WDR62: variants seen among roughly 807,000 people sequenced by gnomAD.
WDR62 encodes the protein WD repeat-containing protein 62.
WDR62 carries 112 observed loss-of-function variants against 160.6 expected under a neutral mutation model. The observed-to-expected ratio is 0.70, with a 90% CI of 0.60 to 0.82. WDR62 has a LOEUF of 0.82. WDR62 is among the 40% of genes least tolerant of loss of function. WDR62 has a pLI of 0.00. For synonymous variants in WDR62, 792 were observed against 815.1 expected (o/e 0.97, Z 0.48); for missense variants, 1,819 against 1,983.8 (o/e 0.92, Z 1.58).
chr19:36,071,196 C>CT (rs547025795), intron 7 of WDR62: 32 of 261,850 alleles, frequency 1.2e-4, no homozygotes, highest in Non-Finnish European at 1.4e-4. Context: ...ACAAAAAACT[C>CT]TATCTCAAAA....
intron 3 of WDR62, among the ~76,000 whole-genome samples, chr19:36,065,045 A>G (rs542492263): frequency 6.6e-6 from 1 of 152,334 alleles, no homozygotes; most frequent in African/African-American, 2.4e-5. Flanking sequence ...AGGAAGTCCC[A>G]CACAGCATGT....
rs759652567 is a variant in WDR62, at chr19:36,103,544, G to A, written c.3716G>A (p.Gly1239Asp). The A allele has an allele frequency of 6.2e-7, 1 of 1,614,030 alleles. No homozygotes were observed. Among genetic ancestry groups the A allele is most frequent in the East Asian group, 2.2e-5 (1 of 44,876 alleles). The change falls in exon 30 of 32, where the codon GGC becomes GAC. Residue 1239 changes from glycine to aspartate, a missense_variant. By Grantham distance (94) the Gly-to-Asp change is moderately conservative (BLOSUM62 -1). This residue lies in a region of WDR62 where 770 missense variants were observed against 734.2 expected (regional missense o/e 1.05). Transcript: ENST00000401500. Reference protein sequence around the residue: ...SRSISLGDSEGPIVATLAQPL... With the variant: ...SRSISLGDSEDPIVATLAQPL... ...AGCATCTCCCTCGGTGACAGTGAGG[G>A]CCCTATCGTGGCCACACTGGCCCAG...
chr19:36,108,499 ACAC>A (rs1451623794), downstream of WDR62, among the ~76,000 whole-genome samples: 2 of 150,200 alleles, frequency 1.3e-5, no homozygotes, highest in Non-Finnish European at 2.9e-5. Context: ...CAAAATGGAG[ACAC>A]CACCTGAAAC....
intron 26 of WDR62, 84 bp downstream of exon 26, chr19:36,102,235 G>C: frequency 2.5e-6 from 4 of 1,593,964 alleles, no homozygotes; most frequent in Non-Finnish European, 3.4e-6. Context: ...TGGCTCCCCA[G>C]CAGGGCCAGG....
Position 36,103,973 on chromosome 19 carries a change from C to T in WDR62, c.4145C>T (p.Pro1382Leu). The T allele has an allele frequency of 1.9e-6, 3 of 1,597,940 alleles. No individual in the cohort carries two copies. In the South Asian group the frequency reaches 3.3e-5, roughly 18 times the overall value. Residue 1382 changes from proline to leucine, a missense_variant, in exon 30 of 32, where the codon CCC becomes CTC. By Grantham distance (98) the Pro-to-Leu change is moderately conservative (BLOSUM62 -3). Transcript: ENST00000401500. ...GGCGGCACTGCCTCCCTCCTGGAGC[C>T]CACCTCCGGTGAGTACAGCCCTGGA... ...IPGGTASLLE[P>L]TSGALGLLQG... is the part of the protein sequence containing the mutation.
intron 7 of WDR62, chr19:36,070,322 C>CTG (rs1971230729): frequency 6.6e-6 from 1 of 151,954 alleles, no homozygotes; most frequent in Non-Finnish European, 1.5e-5. Flanking sequence ...CCACGCACAG[C>CTG]TAATTTTTGT....
intron 25 of WDR62, 42 bp downstream of exon 25, chr19:36,101,816 C>A: frequency 6.5e-7 from 1 of 1,530,086 alleles, no homozygotes; most frequent in Non-Finnish European, 8.9e-7. Context: ...CTGCTCGGGC[C>A]TGGCTTAGGG....
At chr19:36,110,711 G>C in the WDR62 span, among the ~76,000 whole-genome samples, 1 of 152,142 alleles carries the variant, frequency 6.6e-6, no homozygotes, top group East Asian at 1.9e-4. Flanking sequence ...GATTTATCCA[G>C]ATCTGCTGTC....
intron 9 of WDR62, chr19:36,073,924 C>G: frequency 2.8e-6 from 1 of 360,400 alleles, no homozygotes; most frequent in Non-Finnish European, 5.5e-6. Context: ...ACCACAAGCA[C>G]AGAGGCCCTG....
chr19:36,105,122 CTGTT>C, downstream of WDR62: 4 of 1,468,450 alleles, frequency 2.7e-6, no homozygotes, highest in East Asian at 2.5e-5. Flanking sequence ...TTCCTGGTGT[CTGTT>C]TGGGCCTATC....
At chr19:36,068,983 C>CG (rs1250001502) in intron 7 of WDR62, among the ~76,000 whole-genome samples, 1 of 149,954 alleles carries the variant, frequency 6.7e-6, no homozygotes, top group Non-Finnish European at 1.5e-5. Context: ...AGGGCGGAGG[C>CG]GGACCCCCAC....
intron 1 of WDR62, 79 bp downstream of exon 1, chr19:36,055,227 C>T (rs1970292413): frequency 6.7e-7 from 1 of 1,483,392 alleles, no homozygotes; most frequent in Non-Finnish European, 9.1e-7. Context: ...AACTGTGGCC[C>T]CGACATCAGC....
At chr19:36,083,514 C>T (rs1333752381) in intron 11 of WDR62, among the ~76,000 whole-genome samples, 1 of 152,178 alleles carries the variant, frequency 6.6e-6, no homozygotes, top group East Asian at 1.9e-4. Flanking sequence ...GACTCTAGGG[C>T]AGCGTGACAC....
intron 7 of WDR62, 67 bp downstream of exon 7, chr19:36,068,077 TCATCAGCATTGAC>T: frequency 6.5e-7 from 1 of 1,543,634 alleles, no homozygotes; most frequent in Non-Finnish European, 8.8e-7. Context: ...GCAGGGGTGC[TCATCAGCATTGAC>T]CACACAGGTT....
downstream of WDR62, among the ~76,000 whole-genome samples, chr19:36,106,722 G>A (rs929372871): frequency 3.9e-5 from 6 of 152,248 alleles, no homozygotes; most frequent in Non-Finnish European, 5.9e-5. Flanking sequence ...GGGGAGGGCA[G>A]GAGCTGAGGT....
At position 36,067,368 on chromosome 19, in the gene WDR62, G is replaced by A. The variant is rs1256275291; in HGVS notation, c.624G>A (p.Glu208=). The change falls in exon 6 of 32, where the codon GAG becomes GAA. Residue 208 remains glutamate (E), a synonymous_variant. Coordinates refer to ENST00000401500, the MANE Select transcript of WDR62 (RefSeq NM_001083961.2). Reference sequence around the variant, plus strand: ...GAGTCATTGCCCTCTCCTTCTCAGAGGACAGCAGCTATTTTGTCACTGTTG... The same window carrying A: ...GAGTCATTGCCCTCTCCTTCTCAGAAGACAGCAGCTATTTTGTCACTGTTG... ...SCRVIALSFS[E]DSSYFVTVGN... The A allele has an allele frequency of 6.2e-7, 1 of 1,614,222 alleles. No individual in the cohort carries two copies. The highest frequency in any genetic ancestry group is 8.5e-7 in the Non-Finnish European group (1 of 1,180,046).
intron 14 of WDR62, 25 bp downstream of exon 14, chr19:36,089,130 G>A (rs941099965): frequency 1.2e-6 from 2 of 1,613,764 alleles, no homozygotes; most frequent in Admixed American, 1.7e-5. Flanking sequence ...CCTCCTTGGG[G>A]GCTGGGGTGG....
intron 7 of WDR62, chr19:36,070,962 C>T (rs937121853): frequency 6.4e-6 from 1 of 156,094 alleles, no homozygotes. Flanking sequence ...AATCCCAATG[C>T]TTTGGGAGGC....
intron 1 of WDR62, among the ~76,000 whole-genome samples, chr19:36,056,876 C>G (rs762722400): frequency 7.4e-5 from 11 of 148,924 alleles, no homozygotes; most frequent in Non-Finnish European, 1.3e-4. Context: ...CTGGGTTGAT[C>G]TCGGCTCACT....
Sources: gnomAD v4.1 joint callset for allele counts (sites outside exome capture counted in the v4.1 genomes callset) on GRCh38, gnomAD v4.1.1 for gene constraint, gnomAD v4.1.1 regional missense constraint, MANE v1.5 for transcripts, NCBI Gene and HGNC (gene_info 2026-07-23, HGNC 2026-07-21) for gene names.